MGST3: variants seen among roughly 807,000 people sequenced by gnomAD.
The protein encoded by MGST3 is glutathione S-transferase 3, mitochondrial.
A neutral mutation model predicts 15.8 loss-of-function variants in MGST3; 13 were observed. The observed-to-expected ratio is 0.82, with a 90% CI of 0.54 to 1.31. The LOEUF is 1.31. Among genes scored for constraint, MGST3 ranks in the 50% most tolerant of loss-of-function variants. The probability of loss-of-function intolerance (pLI) is 0.00; values close to 1 mark genes in which losing one functional copy is unlikely to be tolerated. For synonymous variants in MGST3, 49 were observed against 68.1 expected, an observed-to-expected ratio of 0.72 and a Z score of 1.38; for missense variants, 155 against 192.4, an observed-to-expected ratio of 0.81 and a Z score of 1.15.
intron 4 of MGST3, among the ~76,000 whole-genome samples, chr1:165,653,245 T>C (rs1648611691): frequency 6.6e-6 from 1 of 152,164 alleles, no homozygotes; most frequent in Admixed American, 6.5e-5. Context: ...TTAGTCCTCA[T>C]TTGGTGTCCC....
intron 1 of MGST3, among the ~76,000 whole-genome samples, chr1:165,640,929 T>A (rs1403610801): frequency 6.6e-6 from 1 of 152,178 alleles, no homozygotes; most frequent in Admixed American, 6.5e-5. Context: ...GTGCCTGTAA[T>A]CCTAGCACTC....
intron 4 of MGST3, 51 bp downstream of exon 4, chr1:165,652,086 A>G (rs745943858): frequency 1.3e-6 from 1 of 786,094 alleles, no homozygotes; most frequent in Non-Finnish European, 1.8e-6. Context: ...TCACTGAGCT[A>G]TTATCAGGGA....
In MGST3 at chr1:165,645,056, C is replaced by T. The variant is rs953017631; in HGVS notation, c.-7-4785C>T. Reference sequence around the variant, plus strand: ...GATTACAGGTGTGAGCCACCATGCCCGGCCAAAAATTGTTTCTTCATATCC... The same window carrying T: ...GATTACAGGTGTGAGCCACCATGCCTGGCCAAAAATTGTTTCTTCATATCC... On this transcript the variant is annotated intron_variant, in intron 1 of 5. Transcript: ENST00000367889. Among the ~76,000 whole-genome samples the T allele has an allele frequency of 3.3e-5, 5 of 152,008 alleles. No homozygotes were observed. The East Asian group carries it at 5.8e-4, about 18-fold the overall frequency.
chr1:165,638,268 C>T (rs887561021), intron 1 of MGST3, among the ~76,000 whole-genome samples: 10 of 152,192 alleles, frequency 6.6e-5, no homozygotes, highest in African/African-American at 2.4e-4. Flanking sequence ...TGCTTGAGCT[C>T]AGGAGTTCGA....
intron 1 of MGST3, among the ~76,000 whole-genome samples, chr1:165,643,576 T>G (rs1448996558): frequency 2.8e-5 from 4 of 142,386 alleles, no homozygotes; most frequent in African/African-American, 1.0e-4. Context: ...AAAGAAAAAA[T>G]ATACATAGGC....
intron 1 of MGST3, among the ~76,000 whole-genome samples, chr1:165,633,269 T>A (rs1030934117): frequency 6.6e-6 from 1 of 152,228 alleles, no homozygotes; most frequent in African/African-American, 2.4e-5. Flanking sequence ...AGAAACGCTG[T>A]AATTAGGCAA....
At chr1:165,639,865 T>C (rs565402982) in intron 1 of MGST3, among the ~76,000 whole-genome samples, 1 of 152,164 alleles carries the variant, frequency 6.6e-6, no homozygotes, top group Non-Finnish European at 1.5e-5. Flanking sequence ...GTATTATATA[T>C]GTAGTAGTGA....
At position 165,631,249 on chromosome 1, in the gene MGST3, C is replaced by T. The variant is rs979345328; in HGVS notation, c.-52C>T. The T allele has an allele frequency of 1.3e-5, 2 of 152,732 alleles. No individual in the cohort carries two copies. The highest frequency in any genetic ancestry group is 6.5e-5 in the Admixed American group (1 of 15,294). 9.5% of individuals were successfully genotyped at this position (152,732 alleles called of 1,614,324 possible). A position where few individuals can be genotyped will look rare whatever the true frequency, so the allele number is the denominator to read the frequency against. ...AGGCGAGGGCGCCGCACCCACACCG[C>T]GCTGCGCAGTTTTGTTCTGCTCCAG... On this transcript the variant is annotated 5_prime_UTR_variant, in exon 1 of 6. Transcript: ENST00000367889.
chr1:165,634,906 G>A (rs1171449092), intron 1 of MGST3, among the ~76,000 whole-genome samples: 1 of 150,660 alleles, frequency 6.6e-6, no homozygotes, highest in East Asian at 1.9e-4. Context: ...AGTAAAGGAT[G>A]AATAAGGGAA....
chr1:165,632,210 G>A (rs771312498), intron 1 of MGST3: 39 of 1,610,356 alleles, frequency 2.4e-5, no homozygotes, highest in Non-Finnish European at 3.1e-5. Context: ...GCAGGGGTTA[G>A]AACTTTAATT....
At chr1:165,640,019 G>C (rs566406560) in intron 1 of MGST3, among the ~76,000 whole-genome samples, 1 of 152,244 alleles carries the variant, frequency 6.6e-6, no homozygotes, top group African/African-American at 2.4e-5. Context: ...CTGATCCATG[G>C]TATTAGAAGG....
chr1:165,652,388 C>T (rs1648584069), intron 4 of MGST3, among the ~76,000 whole-genome samples: 1 of 152,176 alleles, frequency 6.6e-6, no homozygotes, highest in South Asian at 2.1e-4. Flanking sequence ...CACTCACCAC[C>T]TGGGGTAAAG....
intron 1 of MGST3, among the ~76,000 whole-genome samples, chr1:165,641,065 C>CCCT (rs1648250659): frequency 1.3e-5 from 2 of 152,150 alleles, no homozygotes; most frequent in African/African-American, 4.8e-5. Flanking sequence ...CACCTATAAT[C>CCCT]CCTGCTACTC....
At chr1:165,640,494 T>A (rs1253132098) in intron 1 of MGST3, among the ~76,000 whole-genome samples, 1 of 152,044 alleles carries the variant, frequency 6.6e-6, no homozygotes, top group Admixed American at 6.6e-5. Context: ...TTGTTTTTGC[T>A]CAGAACAGTG....
intron 1 of MGST3, among the ~76,000 whole-genome samples, chr1:165,645,101 T>C (rs571519421): frequency 2.0e-4 from 31 of 152,264 alleles, no homozygotes; most frequent in Non-Finnish European, 3.1e-4. Flanking sequence ...AAGATTTTTT[T>C]TTCTATGTTT....
At position 165,655,791 on chromosome 1, in the gene MGST3, A is replaced by G. The variant is rs1480275049; in HGVS notation, c.*287A>G. The G allele has an allele frequency of 2.4e-6, 1 of 422,118 alleles. No individual in the cohort carries two copies. Among genetic ancestry groups the G allele is most frequent in the Non-Finnish European group, 4.3e-6 (1 of 231,558 alleles). The allele number at this position is 422,118 out of a possible 1,614,324, so 26.1% of individuals were successfully genotyped here. The stretch of plus-strand genomic sequence containing the variant: ...AGTCTGATTGTGGTGATGTAGGTAT[A>G]GTCATGCCACAGTGATGAAAAATTA... On this transcript the variant is annotated 3_prime_UTR_variant, in exon 6 of 6. Coordinates refer to ENST00000367889, the MANE Select transcript of MGST3 (RefSeq NM_004528.4).
chr1:165,640,336 C>T (rs999389172), intron 1 of MGST3, among the ~76,000 whole-genome samples: 3 of 152,060 alleles, frequency 2.0e-5, no homozygotes, highest in Non-Finnish European at 2.9e-5. Flanking sequence ...TCACAACAGT[C>T]TCTGATCTCA....
In MGST3 at chr1:165,651,166, CT is replaced by C. The variant is rs1358094394; in HGVS notation, c.191+80del. On this transcript the variant is annotated intron_variant, in intron 3 of 5. Transcript: ENST00000367889. ...GTCTAACACCTCAGCCCTTAGTGCG[CT>C]GTATTTGCTGAGTCATAGTGATGGT... is the stretch of plus-strand genomic sequence containing the variant. 3.7e-5 allele frequency: 44 copies of C among 1,178,730 alleles called. No individual in the cohort carries two copies. The African/African-American group carries it at 4.7e-4, about 12-fold the overall frequency. The allele number at this position is 1,178,730 out of a possible 1,614,324, so 73.0% of individuals were successfully genotyped here.
intron 4 of MGST3, chr1:165,653,904 T>C (rs1648629452): frequency 9.2e-6 from 3 of 327,200 alleles, no homozygotes; most frequent in Admixed American, 4.5e-5. Flanking sequence ...GCATTTCCCC[T>C]AGTCCTGACT....
Sources: gnomAD v4.1 joint callset for allele counts (sites outside exome capture counted in the v4.1 genomes callset) on GRCh38, gnomAD v4.1.1 for gene constraint, MANE v1.5 for transcripts, NCBI Gene and HGNC (gene_info 2026-07-23, HGNC 2026-07-21) for gene names.